Variants in OTUD7A observed in about 807,000 individuals in gnomAD.
OTUD7A encodes the protein OTU domain-containing protein 7A.
OTUD7A carries 12 observed loss-of-function variants against 65.7 expected under a neutral mutation model. The observed-to-expected ratio is 0.18, with a 90% CI of 0.12 to 0.30. OTUD7A has a LOEUF of 0.30. Ranked by LOEUF, OTUD7A falls within the 10% of genes least tolerant of loss-of-function variation. OTUD7A has a pLI of 1.00. For missense variants in OTUD7A, 1,148 were observed against 1,304.8 expected (o/e 0.88, Z 1.85); for synonymous variants, 641 against 586.3 (o/e 1.09, Z -1.35).
intron 3 of OTUD7A, among the ~76,000 whole-genome samples, chr15:31,646,125 G>C (rs1891654817): frequency 6.6e-6 from 1 of 151,852 alleles, no homozygotes; most frequent in African/African-American, 2.4e-5. Context: ...TTGTTTTTTT[G>C]CTCCTTCCCT....
At chr15:31,656,851 GAGGACTGAGGGTCTCAGGCAGGGA>G (rs916303744) in intron 2 of OTUD7A, 108 bp downstream of exon 2, 43 of 152,408 alleles carry the variant, frequency 2.8e-4, no homozygotes, top group African/African-American at 9.9e-4. Context: ...GCAAGACCCT[GAGGACTGAGGGTCTCAGGCAGGGA>G]GGTCTGTACC....
intron 3 of OTUD7A, among the ~76,000 whole-genome samples, chr15:31,605,873 T>C (rs985666709): frequency 1.5e-4 from 23 of 152,290 alleles, no homozygotes; most frequent in African/African-American, 5.5e-4. Context: ...ACTGTGCCCG[T>C]GGACAGGGAG....
chr15:31,548,084 T>C (rs1297019615), intron 5 of OTUD7A, among the ~76,000 whole-genome samples: 1 of 152,214 alleles, frequency 6.6e-6, no homozygotes, highest in Non-Finnish European at 1.5e-5. Flanking sequence ...CTCCTAAAAA[T>C]TTGATAACTT....
chr15:31,483,649 T>G lies in OTUD7A; in HGVS notation c.2447A>C (p.Tyr816Ser). 1.7e-6 allele frequency: 2 copies of G among 1,172,584 alleles called. No homozygotes were observed. The highest frequency in any genetic ancestry group is 2.1e-6 in the Non-Finnish European group (2 of 952,798). 72.6% of individuals were successfully genotyped at this position (1,172,584 alleles called of 1,614,324 possible). A position where few individuals can be genotyped will look rare whatever the true frequency, so the allele number is the denominator to read the frequency against. The change falls in exon 13 of 13, where the codon TAC becomes TCC. Residue 816 changes from tyrosine to serine, a missense_variant. Physicochemically the swap from Tyr to Ser is moderately radical, Grantham distance 144 (BLOSUM62 -2). Coordinates refer to ENST00000307050, the MANE Select transcript of OTUD7A (RefSeq NM_001382637.1). ...QQNRSLSSQS[Y>S]SPARAAALRT... ...CAGGGCGGCGGCGCGCGCCGGGCTG[T>G]AGCTCTGCGACGACAGCGAGCGGTT... is the stretch of plus-strand genomic sequence containing the variant.
chr15:31,603,569 G>T (rs1890145956), intron 3 of OTUD7A, among the ~76,000 whole-genome samples: 1 of 152,136 alleles, frequency 6.6e-6, no homozygotes, highest in African/African-American at 2.4e-5. Context: ...AAAAGTAATG[G>T]CAACAAAAGC....
intron 1 of OTUD7A, among the ~76,000 whole-genome samples, chr15:31,731,118 C>T (rs1894030340): frequency 6.6e-6 from 1 of 152,164 alleles, no homozygotes; most frequent in Admixed American, 6.5e-5. Context: ...TTTGTTATAA[C>T]TGTTTGATGT....
chr15:31,669,667 C>T (rs1892428866), intron 1 of OTUD7A, among the ~76,000 whole-genome samples: 1 of 152,300 alleles, frequency 6.6e-6, no homozygotes, highest in Non-Finnish European at 1.5e-5. Context: ...GGCAAAGAGG[C>T]TTCTCACCCA....
intron 1 of OTUD7A, among the ~76,000 whole-genome samples, chr15:31,669,733 C>T (rs1008824719): frequency 1.3e-5 from 2 of 152,022 alleles, no homozygotes; most frequent in African/African-American, 2.4e-5. Flanking sequence ...GGTGTTTTTC[C>T]CCCCTCCTCT....
chr15:31,634,834 G>C (rs1891291323), intron 3 of OTUD7A, among the ~76,000 whole-genome samples: 1 of 152,212 alleles, frequency 6.6e-6, no homozygotes, highest in Non-Finnish European at 1.5e-5. Context: ...TTTCTATCGG[G>C]CTCTGACTGA....
intron 1 of OTUD7A, among the ~76,000 whole-genome samples, chr15:31,771,808 T>G (rs1370059682): frequency 6.6e-6 from 1 of 152,108 alleles, no homozygotes; most frequent in Non-Finnish European, 1.5e-5. Context: ...ATGGGACACT[T>G]CAGCCTTCTG....
intron 1 of OTUD7A, chr15:31,767,653 A>G: frequency 1.3e-6 from 1 of 759,326 alleles, no homozygotes; most frequent in East Asian, 2.5e-5. Context: ...AAACTTCTTC[A>G]ACGTCTTCCT....
chr15:31,800,416 G>A (rs989215740), intron 1 of OTUD7A, among the ~76,000 whole-genome samples: 3 of 152,176 alleles, frequency 2.0e-5, no homozygotes, highest in African/African-American at 4.8e-5. Context: ...CCACCCCCAT[G>A]CACTCTGCCA....
At chr15:31,689,795 A>G (rs987058205) in intron 1 of OTUD7A, among the ~76,000 whole-genome samples, 3 of 152,170 alleles carry the variant, frequency 2.0e-5, no homozygotes, top group African/African-American at 7.2e-5. Flanking sequence ...CAGAGCCCCT[A>G]GAAGCTGATG....
At chr15:31,831,052 G>A (rs547031452) in intron 1 of OTUD7A, among the ~76,000 whole-genome samples, 16 of 152,242 alleles carry the variant, frequency 1.1e-4, no homozygotes, top group Middle Eastern at 6.8e-3. Context: ...ACTATAATTC[G>A]TCATGGATAG....
intron 1 of OTUD7A, among the ~76,000 whole-genome samples, chr15:31,696,720 T>A (rs545495761): frequency 6.6e-6 from 1 of 152,128 alleles, no homozygotes; most frequent in African/African-American, 2.4e-5. Flanking sequence ...CAGAGGGAGT[T>A]AGGGGAGTTC....
intron 1 of OTUD7A, among the ~76,000 whole-genome samples, chr15:31,818,732 C>T (rs1334622950): frequency 1.3e-5 from 2 of 152,200 alleles, no homozygotes; most frequent in Non-Finnish European, 2.9e-5. Context: ...TTTTCTAAAC[C>T]ACGGAGATTC....
intron 1 of OTUD7A, among the ~76,000 whole-genome samples, chr15:31,722,964 G>C (rs538595410): frequency 3.3e-5 from 5 of 152,352 alleles, no homozygotes; most frequent in African/African-American, 4.8e-5. Flanking sequence ...GATGGGAAGA[G>C]AGCAGGGAAG....
intron 1 of OTUD7A, among the ~76,000 whole-genome samples, chr15:31,741,496 CATAG>C (rs1301590929): frequency 6.6e-6 from 1 of 151,972 alleles, no homozygotes; most frequent in Non-Finnish European, 1.5e-5. Flanking sequence ...TCCATATACA[CATAG>C]ATATTTAATA....
intron 1 of OTUD7A, among the ~76,000 whole-genome samples, chr15:31,672,157 T>C (rs1892499219): frequency 6.6e-6 from 1 of 152,244 alleles, no homozygotes; most frequent in African/African-American, 2.4e-5. Flanking sequence ...TCACTTTATT[T>C]TCAATGCTCT....
Sources: allele counts gnomAD v4.1 joint callset (sites outside exome capture counted in the v4.1 genomes callset), GRCh38; gene constraint gnomAD v4.1.1; transcripts MANE v1.5; gene names NCBI Gene and HGNC (gene_info 2026-07-23, HGNC 2026-07-21).